Variants in CDK14 observed in about 807,000 individuals in gnomAD.
CDK14 encodes cyclin dependent kinase 14.
Under a neutral mutation model 60.7 loss-of-function variants are expected in CDK14, and 34 were observed. That is an observed-to-expected ratio of 0.56 (90% confidence interval 0.43 to 0.75). The LOEUF (loss-of-function observed/expected upper bound fraction) is 0.75, where lower values mean the gene tolerates loss of function less well. Among genes scored for constraint, CDK14 ranks in the 30% least tolerant of loss-of-function variants. CDK14 has a pLI of 0.00. For missense variants in CDK14, 482 were observed against 564.1 expected (o/e 0.85, Z 1.47); for synonymous variants, 197 against 203.7 (o/e 0.97, Z 0.28).
At chr7:90,771,440 A>C (rs6465287) in intron 4 of CDK14, among the ~76,000 whole-genome samples, 1 of 152,158 alleles carries the variant, frequency 6.6e-6, no homozygotes, top group Non-Finnish European at 1.5e-5. Context: ...TTATGACCAA[A>C]AGGAATGAGG....
At chr7:91,056,907 C>A (rs969806397) in intron 11 of CDK14, among the ~76,000 whole-genome samples, 1 of 151,916 alleles carries the variant, frequency 6.6e-6, no homozygotes, top group Non-Finnish European at 1.5e-5. Flanking sequence ...GATTTATAGT[C>A]CTTTGGGTAT....
At chr7:90,923,135 G>A (rs1253607611) in intron 8 of CDK14, among the ~76,000 whole-genome samples, 4 of 140,096 alleles carry the variant, frequency 2.9e-5, no homozygotes, top group African/African-American at 8.0e-5. Flanking sequence ...TTGAGATGGA[G>A]TCTTGCTCTG....
At chr7:90,638,245 G>T (rs1451613164) in intron 2 of CDK14, among the ~76,000 whole-genome samples, 1 of 152,102 alleles carries the variant, frequency 6.6e-6, no homozygotes, top group East Asian at 1.9e-4. Context: ...TTACATTTTG[G>T]CATGATTTTG....
intron 3 of CDK14, among the ~76,000 whole-genome samples, chr7:90,728,355 T>TATTG (rs1276981916): frequency 6.6e-6 from 1 of 152,036 alleles, no homozygotes; most frequent in Non-Finnish European, 1.5e-5. Flanking sequence ...ATGTTGGCAT[T>TATTG]ATTGGATTGA....
intron 14 of CDK14, among the ~76,000 whole-genome samples, chr7:91,143,321 A>G (rs1269867289): frequency 6.6e-6 from 1 of 152,254 alleles, no homozygotes; most frequent in African/African-American, 2.4e-5. Context: ...CGTTCACTAT[A>G]GCGTCAGAAC....
At chr7:90,874,677 C>T (rs373203828) in intron 6 of CDK14, among the ~76,000 whole-genome samples, 110 of 149,914 alleles carry the variant, frequency 7.3e-4, no homozygotes, top group African/African-American at 2.4e-3. Context: ...TACAGGCGCC[C>T]GCCACCGTGC....
Position 90,709,771 on chromosome 7 carries a change from T to C in CDK14, c.124-16796T>C, listed in dbSNP as rs1801993761. 2.7e-5 allele frequency: 7 copies of C among 260,720 alleles called. No individual in the cohort carries two copies. In the South Asian group the frequency reaches 3.8e-4, roughly 14 times the overall value. 16.2% of individuals were successfully genotyped at this position (260,720 alleles called of 1,614,324 possible). A position where few individuals can be genotyped will look rare whatever the true frequency, so the allele number is the denominator to read the frequency against. ...AGCTTCTCTTAGGGGATTTCTGGGCTTTTTTTTTTTTGCTTGCTTATGCAT... is the reference window on the plus strand; with the variant it reads ...AGCTTCTCTTAGGGGATTTCTGGGCCTTTTTTTTTTTGCTTGCTTATGCAT... On this transcript the variant is annotated intron_variant, in intron 2 of 14. Coordinates refer to ENST00000380050, the MANE Select transcript of CDK14 (RefSeq NM_001287135.2).
chr7:91,023,267 G>A (rs571825463), intron 10 of CDK14, among the ~76,000 whole-genome samples: 1 of 152,224 alleles, frequency 6.6e-6, no homozygotes, highest in South Asian at 2.1e-4. Context: ...TGTTCCTGCT[G>A]CTCTGTAAAT....
intron 4 of CDK14, among the ~76,000 whole-genome samples, chr7:90,785,891 T>C (rs923944864): frequency 3.3e-5 from 5 of 152,202 alleles, no homozygotes; most frequent in Non-Finnish European, 5.9e-5. Flanking sequence ...GGACAGAGTT[T>C]CTGAAATTGA....
intron 10 of CDK14, among the ~76,000 whole-genome samples, chr7:91,017,557 C>A (rs1474114393): frequency 1.3e-5 from 2 of 152,180 alleles, no homozygotes; most frequent in African/African-American, 4.8e-5. Context: ...ACTTTAGGCT[C>A]AGCAGTAGGT....
Position 90,724,490 on chromosome 7 carries a change from A to T in CDK14, c.124-2077A>T, listed in dbSNP as rs190167141. On this transcript the variant is annotated intron_variant, in intron 2 of 14. Coordinates refer to ENST00000380050, the MANE Select transcript of CDK14 (RefSeq NM_001287135.2). ...TGGTTTTTATTTGCTTTATTTATTTATTTTTTTTTTAGTATTTTAAGGTGG... is the reference window on the plus strand; with the variant it reads ...TGGTTTTTATTTGCTTTATTTATTTTTTTTTTTTTTAGTATTTTAAGGTGG... Among the ~76,000 whole-genome samples the T allele has an allele frequency of 3.8e-3, 543 of 143,518 alleles. 9 individuals are homozygous for T. Among genetic ancestry groups the T allele is most frequent in the African/African-American group, 0.013 (519 of 39,262 alleles). The allele number at this position is 143,518 out of a possible 152,430, so 94.2% of individuals were successfully genotyped here.
At chr7:91,059,383 G>T (rs1253797689) in intron 11 of CDK14, among the ~76,000 whole-genome samples, 2 of 151,840 alleles carry the variant, frequency 1.3e-5, no homozygotes, top group Non-Finnish European at 2.9e-5. Context: ...TTTTTGAAGG[G>T]TTTTTTGTGT....
At chr7:90,854,584 G>A (rs1156417596) in intron 5 of CDK14, among the ~76,000 whole-genome samples, 1 of 151,096 alleles carries the variant, frequency 6.6e-6, no homozygotes, top group East Asian at 1.9e-4. Context: ...AATAGTAATA[G>A]CTAATATGAT....
chr7:90,896,037 G>A (rs1253848146), intron 6 of CDK14, among the ~76,000 whole-genome samples: 2 of 151,806 alleles, frequency 1.3e-5, no homozygotes, highest in African/African-American at 4.8e-5. Flanking sequence ...TCTATTTAAT[G>A]TCTGCTATTA....
rs558270737 is a variant in CDK14, at chr7:91,153,985, C to T, written c.*28+35777C>T. On this transcript the variant is annotated intron_variant, in intron 14 of 14. Transcript: ENST00000380050. The stretch of plus-strand genomic sequence containing the variant: ...TATGGAAGTAGTGGGATTTGAATAA[C>T]GTTTACTATGGGAGGGAGTTCTGAC... Among the ~76,000 whole-genome samples, 13 of 152,164 alleles carry T rather than the reference C, an allele frequency of 8.5e-5. No homozygotes were observed. The South Asian group carries it at 1.0e-3, about 12-fold the overall frequency.
At chr7:90,944,369 A>C (rs1297460537) in intron 8 of CDK14, among the ~76,000 whole-genome samples, 1 of 152,170 alleles carries the variant, frequency 6.6e-6, no homozygotes, top group African/African-American at 2.4e-5. Flanking sequence ...CTTGCCAGAT[A>C]TGTCAGTTTA....
intron 4 of CDK14, among the ~76,000 whole-genome samples, chr7:90,781,698 C>G (rs367662493): frequency 0.083 from 12,490 of 150,970 alleles, 576 homozygotes; most frequent in South Asian, 0.11. Flanking sequence ...GCTTGTTTTT[C>G]TCAGGTTTGT....
chr7:90,731,466 A>T (rs1402798820), intron 3 of CDK14, among the ~76,000 whole-genome samples: 1 of 152,218 alleles, frequency 6.6e-6, no homozygotes, highest in Non-Finnish European at 1.5e-5. Context: ...GATTCTTCAT[A>T]TCCATGACCA....
intron 7 of CDK14, among the ~76,000 whole-genome samples, chr7:90,913,432 T>A (rs921297857): frequency 9.2e-5 from 14 of 152,158 alleles, no homozygotes; most frequent in African/African-American, 3.4e-4. Flanking sequence ...CATAGAAAAA[T>A]TAACTCACAA....
Sources: gnomAD v4.1 joint callset for allele counts (sites outside exome capture counted in the v4.1 genomes callset) on GRCh38, gnomAD v4.1.1 for gene constraint, MANE v1.5 for transcripts, NCBI Gene and HGNC (gene_info 2026-07-23, HGNC 2026-07-21) for gene names.